AJAP1: variants seen among roughly 807,000 people sequenced by gnomAD.
AJAP1 encodes the protein adherens junction-associated protein 1.
In AJAP1, 5 loss-of-function variants were observed where a neutral mutation model predicts 35.0. That is an observed-to-expected ratio of 0.14 (90% CI 0.07 to 0.30). The LOEUF (loss-of-function observed/expected upper bound fraction) is 0.30. Ranked by LOEUF, AJAP1 falls within the 10% of genes least tolerant of loss-of-function variation. The pLI, the probability that AJAP1 is intolerant of heterozygous loss-of-function variation, is 1.00. For missense variants in AJAP1, 586 were observed against 571.0 expected (o/e 1.03, Z -0.27); for synonymous variants, 284 against 249.3 (o/e 1.14, Z -1.31).
chr1:4,700,891 G>C (rs1024354347), intron 1 of AJAP1, among the ~76,000 whole-genome samples: 8 of 152,188 alleles, frequency 5.3e-5, no homozygotes, highest in Non-Finnish European at 1.2e-4. Context: ...CTGTCTTCCT[G>C]TGGAATTGTC....
intron 1 of AJAP1, among the ~76,000 whole-genome samples, chr1:4,681,781 C>A (rs1356521279): frequency 2.0e-5 from 3 of 152,168 alleles, no homozygotes; most frequent in Admixed American, 2.0e-4. Context: ...TGCTTGGGGT[C>A]AGACAGACCT....
chr1:4,666,890 C>T (rs541330633), intron 1 of AJAP1, among the ~76,000 whole-genome samples: 4 of 139,874 alleles, frequency 2.9e-5, no homozygotes, highest in South Asian at 2.3e-4. Flanking sequence ...CCATGAATCA[C>T]GGGAGGGTTA....
chr1:4,658,190 G>C lies in AJAP1; in HGVS notation c.29+2736G>C, dbSNP rs145939044. On this transcript the variant is annotated intron_variant, in intron 1 of 5. Coordinates refer to ENST00000378191, the MANE Select transcript of AJAP1 (RefSeq NM_018836.4). The stretch of plus-strand genomic sequence containing the variant: ...AATACGTTTGCTGGGTTGCGCTCAG[G>C]ACTGTGATCCCTAGCAGAGTGCCAC... Among the ~76,000 whole-genome samples, 6 of 152,314 alleles carry C rather than the reference G, an allele frequency of 3.9e-5. No homozygotes were observed. The East Asian group carries it at 1.2e-3, about 29-fold the overall frequency.
intron 2 of AJAP1, among the ~76,000 whole-genome samples, chr1:4,724,841 G>A (rs933038556): frequency 6.6e-6 from 1 of 152,242 alleles, no homozygotes; most frequent in Non-Finnish European, 1.5e-5. Context: ...TTAGGTGAAA[G>A]AGAAAGAGGA....
At chr1:4,781,456 C>T (rs991150127) in intron 5 of AJAP1, among the ~76,000 whole-genome samples, 17 of 152,190 alleles carry the variant, frequency 1.1e-4, no homozygotes, top group African/African-American at 2.9e-4. Context: ...ATGACGATGA[C>T]GGAGCCGGTC....
chr1:4,736,686 C>T (rs944526181), intron 2 of AJAP1, among the ~76,000 whole-genome samples: 3 of 152,172 alleles, frequency 2.0e-5, no homozygotes, highest in Non-Finnish European at 2.9e-5. Flanking sequence ...GAGCAATTTG[C>T]ACACGTAGGG....
chr1:4,690,045 C>T (rs1029090454), intron 1 of AJAP1, among the ~76,000 whole-genome samples: 4 of 152,276 alleles, frequency 2.6e-5, no homozygotes, highest in African/African-American at 7.2e-5. Flanking sequence ...ACTTGGTGCA[C>T]ACCTGGCCAA....
In AJAP1 at chr1:4,720,272, A is replaced by C. The variant is rs1251253169; in HGVS notation, c.829+7573A>C. On this transcript the variant is annotated intron_variant, in intron 2 of 5. Transcript: ENST00000378191. This position sits in a 1 kb window ranked among gnomAD's most constrained non-coding sequence, Gnocchi z 4.4. ...CTTTCGATGTGGTTCAACATGGTTC[A>C]GTGAATCTCACAACCGTCCGCCTTG... 6.6e-6 allele frequency among the ~76,000 whole-genome samples: 1 copy of C among 152,208 alleles called. No homozygotes were observed. Among genetic ancestry groups the C allele is most frequent in the Non-Finnish European group, 1.5e-5 (1 of 68,042 alleles).
At chr1:4,755,814 G>C (rs1641416713) in intron 2 of AJAP1, among the ~76,000 whole-genome samples, 3 of 150,658 alleles carry the variant, frequency 2.0e-5, no homozygotes, top group Non-Finnish European at 4.4e-5. Flanking sequence ...GGGTAGGGCG[G>C]GGTGGTGGGG....
intron 2 of AJAP1, among the ~76,000 whole-genome samples, chr1:4,747,506 T>G (rs1338225535): frequency 6.6e-6 from 1 of 152,214 alleles, no homozygotes; most frequent in Non-Finnish European, 1.5e-5. Flanking sequence ...GGTCTGGCTG[T>G]GCCGCCCCCT....
intron 2 of AJAP1, among the ~76,000 whole-genome samples, chr1:4,727,042 GAGCCACCTGTGGCAGCA>G (rs1640679775): frequency 6.6e-6 from 1 of 152,226 alleles, no homozygotes; most frequent in Admixed American, 6.5e-5. Flanking sequence ...CCCCCGCAGC[GAGCCACCTGTGGCAGCA>G]GGTTGCCATT....
chr1:4,759,132 C>T (rs1229137335), intron 2 of AJAP1, among the ~76,000 whole-genome samples: 1 of 152,208 alleles, frequency 6.6e-6, no homozygotes, highest in Non-Finnish European at 1.5e-5. Context: ...CCCTCTGGTA[C>T]TCAGCTGGTG....
intron 4 of AJAP1, among the ~76,000 whole-genome samples, chr1:4,773,420 C>G (rs891674923): frequency 1.3e-5 from 2 of 152,196 alleles, no homozygotes; most frequent in Non-Finnish European, 2.9e-5. Flanking sequence ...CTGCCACATC[C>G]ATAGTTAATG....
intron 1 of AJAP1, among the ~76,000 whole-genome samples, chr1:4,696,325 A>G (rs139978392): frequency 2.6e-5 from 4 of 152,346 alleles, no homozygotes; most frequent in African/African-American, 9.6e-5. Context: ...AACAGGTGTC[A>G]GGACAAGTGT....
chr1:4,703,731 AC>A (rs1445454698), intron 1 of AJAP1, among the ~76,000 whole-genome samples: 1 of 152,172 alleles, frequency 6.6e-6, no homozygotes, highest in Admixed American at 6.5e-5. Context: ...CCAACACAGA[AC>A]CCCAGTCACA....
intron 1 of AJAP1, among the ~76,000 whole-genome samples, chr1:4,689,928 G>A (rs972600543): frequency 1.1e-3 from 172 of 152,250 alleles, no homozygotes; most frequent in Middle Eastern, 6.8e-3. Context: ...AACGAGAAAA[G>A]GGGTGACTGT....
At chr1:4,762,826 A>C (rs939011647) in intron 2 of AJAP1, among the ~76,000 whole-genome samples, 4 of 152,120 alleles carry the variant, frequency 2.6e-5, no homozygotes, top group African/African-American at 9.7e-5. Context: ...TGCCCACTTC[A>C]TGGTGCTGTA....
At chr1:4,779,830 G>A (rs899747050) in intron 5 of AJAP1, among the ~76,000 whole-genome samples, 1 of 152,008 alleles carries the variant, frequency 6.6e-6, no homozygotes, top group African/African-American at 2.4e-5. Flanking sequence ...TGTAATTGTA[G>A]TAAATATATG....
chr1:4,753,148 T>C (rs1641357518), intron 2 of AJAP1, among the ~76,000 whole-genome samples: 1 of 152,238 alleles, frequency 6.6e-6, no homozygotes, highest in African/African-American at 2.4e-5. Context: ...TCCTGAGATT[T>C]TCACAGTTCT....
Sources: allele counts gnomAD v4.1 joint callset (sites outside exome capture counted in the v4.1 genomes callset), GRCh38; gene constraint gnomAD v4.1.1; non-coding constraint Gnocchi (gnomAD v3.1); transcripts MANE v1.5; gene names NCBI Gene and HGNC (gene_info 2026-07-23, HGNC 2026-07-21).